NCAPH: variants seen among roughly 807,000 people sequenced by gnomAD.
NCAPH encodes condensin complex subunit 2.
Under a neutral mutation model 85.5 loss-of-function variants are expected in NCAPH, and 38 were observed. The observed-to-expected ratio is 0.44, with a 90% CI of 0.34 to 0.58. The LOEUF (loss-of-function observed/expected upper bound fraction) is 0.58, where lower values mean the gene tolerates loss of function less well. Among genes scored for constraint, NCAPH ranks in the 20% least tolerant of loss-of-function variants. The pLI, the probability that NCAPH is intolerant of heterozygous loss-of-function variation, is 0.01. For missense variants in NCAPH, 789 were observed against 916.6 expected, an observed-to-expected ratio of 0.86 and a Z score of 1.80; for synonymous variants, 301 against 335.1, an observed-to-expected ratio of 0.90 and a Z score of 1.11.
intron 14 of NCAPH, among the ~76,000 whole-genome samples, chr2:96,366,611 G>A (rs1429882837): frequency 2.0e-5 from 3 of 152,318 alleles, no homozygotes; most frequent in African/African-American, 4.8e-5. Context: ...GGGCGTGGTG[G>A]CTCACGCCTG....
chr2:96,373,020 G>T (rs886994954), intron 17 of NCAPH, among the ~76,000 whole-genome samples: 1 of 152,074 alleles, frequency 6.6e-6, no homozygotes, highest in Non-Finnish European at 1.5e-5. Context: ...CAGGGCAGAC[G>T]GCTCAGCTCT....
At position 96,335,788 on chromosome 2, in the gene NCAPH, A is replaced by T. The variant is rs1466311934; in HGVS notation, c.-42A>T. 6.8e-7 allele frequency: 1 copy of T among 1,468,396 alleles called. No homozygotes were observed. Among genetic ancestry groups the T allele is most frequent in the Non-Finnish European group, 9.0e-7 (1 of 1,110,586 alleles). 91.0% of individuals were successfully genotyped at this position (1,468,396 alleles called of 1,614,324 possible). Reference sequence around the variant, plus strand: ...GCCGTTACGGCGCTCAGGCGTCTCGACGCGCGCGATTTAAAACCAGCTCAG... The same window carrying T: ...GCCGTTACGGCGCTCAGGCGTCTCGTCGCGCGCGATTTAAAACCAGCTCAG... On this transcript the variant is annotated 5_prime_UTR_variant, in exon 1 of 18. Transcript: ENST00000240423.
chr2:96,346,570 G>A (rs2872313), intron 6 of NCAPH, among the ~76,000 whole-genome samples: 4,412 of 152,226 alleles, frequency 0.029, 84 homozygotes, highest in South Asian at 0.057. Flanking sequence ...TGCATTCACT[G>A]CTTAGGGAAT....
chr2:96,369,168 C>T, intron 16 of NCAPH, 105 bp downstream of exon 16: 1 of 1,181,044 alleles, frequency 8.5e-7, no homozygotes, highest in East Asian at 2.6e-5. Context: ...TTTATAGTGG[C>T]TGTTCTGTTT....
At chr2:96,369,264 T>G (rs1262949928) in intron 16 of NCAPH, among the ~76,000 whole-genome samples, 161 bp from the exon 17 acceptor site, 2 of 152,244 alleles carry the variant, frequency 1.3e-5, no homozygotes, top group Non-Finnish European at 2.9e-5. Flanking sequence ...GGAGATATTT[T>G]ATCTCAAATA....
chr2:96,335,938 G>A, intron 1 of NCAPH, 90 bp downstream of exon 1: 2 of 1,342,014 alleles, frequency 1.5e-6, no homozygotes, highest in Middle Eastern at 2.7e-4. Context: ...GCCTGGGCGG[G>A]GAGAGAGGAT....
At chr2:96,362,702 G>T (rs1265809055) in intron 12 of NCAPH, among the ~76,000 whole-genome samples, 1 of 152,192 alleles carries the variant, frequency 6.6e-6, no homozygotes, top group Non-Finnish European at 1.5e-5. Flanking sequence ...AAGAGAACCA[G>T]AATGAGAAAT....
In NCAPH at chr2:96,335,868, G is replaced by A; in HGVS notation, c.19+20G>A. 6.8e-7 allele frequency: 1 copy of A among 1,468,306 alleles called. No individual in the cohort carries two copies. Among genetic ancestry groups the A allele is most frequent in the Non-Finnish European group, 9.0e-7 (1 of 1,111,654 alleles). 91.0% of individuals were successfully genotyped at this position (1,468,306 alleles called of 1,614,324 possible). On this transcript the variant is annotated intron_variant, in intron 1 of 17. Transcript: ENST00000240423. ...GCCCAGGTGAGCCGGGCGGTCGGGAGGCGCGGCGGGAAGGGCCCCTAGCGA... is the reference window on the plus strand; with the variant it reads ...GCCCAGGTGAGCCGGGCGGTCGGGAAGCGCGGCGGGAAGGGCCCCTAGCGA...
intron 13 of NCAPH, among the ~76,000 whole-genome samples, chr2:96,365,107 C>T (rs182491133): frequency 7.2e-5 from 11 of 152,126 alleles, no homozygotes; most frequent in South Asian, 2.1e-4. Context: ...CTTTAGATCA[C>T]GGTTTAGACT....
chr2:96,356,861 G>A (rs1017920856), intron 9 of NCAPH, among the ~76,000 whole-genome samples: 31 of 152,148 alleles, frequency 2.0e-4, no homozygotes, highest in African/African-American at 7.0e-4. Flanking sequence ...GATGCCTCAC[G>A]TTATTGGTCT....
rs140516362 is a variant in NCAPH at position 96,350,817 on chromosome 2, G to T, written c.721-1014G>T. On this transcript the variant is annotated intron_variant, in intron 6 of 17. Transcript: ENST00000240423. ...GCCCCTCTCTCTCCATAGTAGCCAC[G>T]TTCTGAGGCATCAGGAAGACCTGTG... Among the ~76,000 whole-genome samples the T allele has an allele frequency of 1.3e-3, 195 of 152,236 alleles. 5 individuals are homozygous for T. In the East Asian group the frequency reaches 0.031, roughly 24 times the overall value.
chr2:96,347,526 A>G (rs1028830869), intron 6 of NCAPH, among the ~76,000 whole-genome samples: 34 of 152,168 alleles, frequency 2.2e-4, no homozygotes, highest in Admixed American at 1.8e-3. Context: ...AGGTGGAGAT[A>G]ATCCTCAGGA....
At position 96,375,712 on chromosome 2, in the gene NCAPH, A is replaced by T. The variant is rs1433833076; in HGVS notation, c.*2361A>T. 6.6e-6 allele frequency among the ~76,000 whole-genome samples: 1 copy of T among 152,214 alleles called. No individual in the cohort carries two copies. The highest frequency in any genetic ancestry group is 2.4e-5 in the African/African-American group (1 of 41,464). ...TTTTATATAAAATACTTTGGGAAGT[A>T]GGTGTTCTAGGACTGGTGTGACAGT... On this transcript the variant is annotated 3_prime_UTR_variant, in exon 18 of 18. Coordinates refer to ENST00000240423, the MANE Select transcript of NCAPH (RefSeq NM_015341.5).
In NCAPH at chr2:96,344,218, C is replaced by G. The variant is rs762237867; in HGVS notation, c.709C>G (p.Arg237Gly). The change falls in exon 6 of 18, where the codon CGG (arginine) becomes GGG (glycine). Residue 237 changes from arginine to glycine, a missense_variant. Coordinates refer to ENST00000240423, the MANE Select transcript of NCAPH (RefSeq NM_015341.5). Reference sequence around the variant, plus strand: ...CAACCTCAATGTCTCCGAAGCAGATCGGAAGTGTGAGGTGAGGAACTGTAT... The same window carrying G: ...CAACCTCAATGTCTCCGAAGCAGATGGGAAGTGTGAGGTGAGGAACTGTAT... The part of the protein sequence containing the change: ...INNLNVSEAD[R>G]KCEIDPMFQK... 1 of 1,609,598 alleles carries G rather than the reference C, an allele frequency of 6.2e-7. No individual in the cohort carries two copies.
chr2:96,353,250 A>G, intron 7 of NCAPH, 56 bp from the exon 8 acceptor site: 1 of 1,402,672 alleles, frequency 7.1e-7, no homozygotes, highest in Non-Finnish European at 1.0e-6. Context: ...GAAGGGAGTA[A>G]GGAATGCACT....
At chr2:96,344,579 A>C (rs926905404) in intron 6 of NCAPH, among the ~76,000 whole-genome samples, 3 of 152,212 alleles carry the variant, frequency 2.0e-5, no homozygotes, top group Non-Finnish European at 4.4e-5. Context: ...AACCTGTATT[A>C]ACTCATTTAA....
intron 9 of NCAPH, among the ~76,000 whole-genome samples, chr2:96,356,571 A>G (rs2064527864): frequency 6.6e-6 from 1 of 152,196 alleles, no homozygotes; most frequent in Admixed American, 6.5e-5. Context: ...TTTACAGATG[A>G]GGAAACAGGC....
rs1207263066 is a variant in NCAPH, at chr2:96,365,911, A to G, written c.1734A>G (p.Leu578=). ...GTGATGATGAAGATTTGGATGACTT[A>G]TTTGTGGGACCTGTTGGGAACTCTG... ...ADSDDEDLDD[L]FVGPVGNSDL... Residue 578 remains leucine, a synonymous_variant, in exon 14 of 18, where the codon TTA becomes TTG. Coordinates refer to ENST00000240423, the MANE Select transcript of NCAPH (RefSeq NM_015341.5). 6.2e-7 allele frequency: 1 copy of G among 1,614,030 alleles called. No individual in the cohort carries two copies. The highest frequency in any genetic ancestry group is 8.5e-7 in the Non-Finnish European group (1 of 1,180,014).
rs763423259 is a variant in NCAPH, at chr2:96,341,885, C to G, written c.263C>G (p.Pro88Arg). 24 of 1,609,100 alleles carry G rather than the reference C, an allele frequency of 1.5e-5. No homozygotes were observed. The South Asian group carries it at 2.4e-4, about 16-fold the overall frequency. The change falls in exon 2 of 18, where the codon CCC becomes CGC. Residue 88 changes from proline to arginine, a missense_variant. Pro to Arg is a moderately radical substitution (Grantham distance 103, BLOSUM62 -2). Transcript: ENST00000240423. ...STDSPRLLAS[P>R]SSRSIDISAT... ...GACTCACCTCGCTTATTGGCCTCCC[C>G]CTCCAGCAGGTGAGGTGCTCCTGGG...
Sources: allele counts gnomAD v4.1 joint callset (sites outside exome capture counted in the v4.1 genomes callset), GRCh38; gene constraint gnomAD v4.1.1; transcripts MANE v1.5; gene names NCBI Gene and HGNC (gene_info 2026-07-23, HGNC 2026-07-21).